The following ERCC6 variants were observed in gnomAD, a reference collection of about 807,000 sequenced individuals.
ERCC6 encodes the protein DNA excision repair protein ERCC-6.
In ERCC6, 116 loss-of-function variants were observed where a neutral mutation model predicts 158.7. The ratio of observed to expected loss-of-function variants is 0.73; its 90% CI spans 0.63 to 0.85. ERCC6 has a LOEUF of 0.85. Ranked by LOEUF, ERCC6 falls within the 40% of genes least tolerant of loss-of-function variation. The pLI is 0.00. For missense variants in ERCC6, 1,698 were observed against 1,799.4 expected (o/e 0.94, Z 1.02); for synonymous variants, 678 against 659.3 (o/e 1.03, Z -0.43).
the ERCC6 span, among the ~76,000 whole-genome samples, chr10:49,438,002 G>T: frequency 3.3e-5 from 5 of 152,176 alleles, no homozygotes; most frequent in Non-Finnish European, 7.3e-5. Context: ...TAGGCAAATA[G>T]TTGTCATACT....
intron 5 of ERCC6, chr10:49,506,440 G>T: frequency 5.3e-6 from 1 of 188,852 alleles, no homozygotes; most frequent in Non-Finnish European, 1.1e-5. Flanking sequence ...CTGTTCTAAA[G>T]ATATGATAGT....
At chr10:49,444,682 A>G in the ERCC6 span, among the ~76,000 whole-genome samples, 8 of 152,226 alleles carry the variant, frequency 5.3e-5, no homozygotes, top group African/African-American at 1.7e-4. Context: ...TCCAAAATGT[A>G]CAAAAGCCCA....
intron 8 of ERCC6, 146 bp downstream of exon 8, chr10:49,492,971 T>C: frequency 1.2e-6 from 1 of 803,458 alleles, no homozygotes; most frequent in Non-Finnish European, 2.0e-6. Flanking sequence ...AGCTCTAAAG[T>C]AAGTCAATAA....
intron 2 of ERCC6, among the ~76,000 whole-genome samples, chr10:49,531,974 T>C (rs939473994): frequency 6.6e-6 from 1 of 152,150 alleles, no homozygotes; most frequent in Admixed American, 6.6e-5. Flanking sequence ...TTCTTCCCCA[T>C]TAACGTGCTA....
At chr10:49,516,363 C>T (rs1836963783) in intron 5 of ERCC6, 1 of 1,613,998 alleles carries the variant, frequency 6.2e-7, no homozygotes. Context: ...ATTAAGTTTG[C>T]TTATGAGAGG....
chr10:49,440,735 A>G, the ERCC6 span, among the ~76,000 whole-genome samples: 1 of 152,202 alleles, frequency 6.6e-6, no homozygotes, highest in African/African-American at 2.4e-5. Context: ...GAAGTCAATA[A>G]TTAACTCAAA....
chr10:49,516,154 T>C (rs748342074), intron 5 of ERCC6: 1 of 1,614,136 alleles, frequency 6.2e-7, no homozygotes. Context: ...TCCTCATGTT[T>C]AGTATTTGGG....
chr10:49,521,867 CT>C (rs113936879), intron 5 of ERCC6, among the ~76,000 whole-genome samples: 67 of 152,314 alleles, frequency 4.4e-4, no homozygotes, highest in African/African-American at 1.5e-3. Flanking sequence ...CGGAAAATTC[CT>C]AGTAAGTATC....
intron 10 of ERCC6, among the ~76,000 whole-genome samples, chr10:49,480,094 T>C (rs780938733): frequency 3.3e-5 from 5 of 152,160 alleles, no homozygotes; most frequent in Non-Finnish European, 7.4e-5. Flanking sequence ...TGCAGGCTCT[T>C]CTCAGTTCTC....
At chr10:49,525,635 G>A (rs1196110802) in intron 4 of ERCC6, among the ~76,000 whole-genome samples, 1 of 152,106 alleles carries the variant, frequency 6.6e-6, no homozygotes, top group Non-Finnish European at 1.5e-5. Context: ...ATTCTTGCAG[G>A]CCAATGATAC....
chr10:49,534,129 A>T (rs1289781756), intron 1 of ERCC6, among the ~76,000 whole-genome samples: 1 of 108,698 alleles, frequency 9.2e-6, no homozygotes, highest in African/African-American at 3.5e-5. Context: ...GTGAGACTCA[A>T]TCTCAAAAAA....
intron 5 of ERCC6, among the ~76,000 whole-genome samples, chr10:49,509,620 T>C (rs958478566): frequency 6.6e-6 from 1 of 152,178 alleles, no homozygotes; most frequent in African/African-American, 2.4e-5. Context: ...TTTTACATGA[T>C]AGTAACAAAA....
chr10:49,472,474 C>T lies in ERCC6; in HGVS notation c.2830-4G>A. On this transcript the variant is annotated splice_region_variant and splice_polypyrimidine_tract_variant and intron_variant, in intron 15 of 20. Coordinates refer to ENST00000355832, the MANE Select transcript of ERCC6 (RefSeq NM_000124.4). ...TTCTCCATGCTCGCTCCCGGGCCTGCAACAGAGAGAGAGAGACCTCTCAAC... is the reference window on the plus strand; with the variant it reads ...TTCTCCATGCTCGCTCCCGGGCCTGTAACAGAGAGAGAGAGACCTCTCAAC... The T allele has an allele frequency of 6.2e-7, 1 of 1,613,778 alleles. No individual in the cohort carries two copies. Among genetic ancestry groups the T allele is most frequent in the Non-Finnish European group, 8.5e-7 (1 of 1,179,846 alleles).
intron 8 of ERCC6, among the ~76,000 whole-genome samples, chr10:49,484,446 A>G (rs541782699): frequency 1.3e-5 from 2 of 151,946 alleles, no homozygotes; most frequent in East Asian, 3.9e-4. Context: ...AATTCCAAAA[A>G]TAAATAAAAA....
Position 49,516,637 on chromosome 10 carries a change from T to C in ERCC6, c.1397+7396A>G, listed in dbSNP as rs182907329. The C allele has an allele frequency of 1.2e-4, 186 of 1,614,206 alleles. No homozygotes were observed. The East Asian group carries it at 4.1e-3, about 36-fold the overall frequency. On this transcript the variant is annotated intron_variant, in intron 5 of 20. Coordinates refer to ENST00000355832, the MANE Select transcript of ERCC6 (RefSeq NM_000124.4). The stretch of plus-strand genomic sequence containing the variant: ...CTGCAAGCATATAAGTTGGAGTACT[T>C]GACAATGAGTTCAATGACCTCGTCA...
intron 5 of ERCC6, chr10:49,515,963 T>G (rs1206657390): frequency 2.4e-5 from 38 of 1,614,078 alleles, no homozygotes; most frequent in Non-Finnish European, 3.1e-5. Context: ...CTGATTCCAG[T>G]GGAACTCTGT....
intron 5 of ERCC6, among the ~76,000 whole-genome samples, chr10:49,507,714 G>A (rs1294022712): frequency 6.6e-6 from 1 of 152,150 alleles, no homozygotes. Flanking sequence ...ATTCTTGGTT[G>A]TTAGAACTGT....
At chr10:49,531,900 A>G (rs561391194) in intron 2 of ERCC6, among the ~76,000 whole-genome samples, 7 of 152,212 alleles carry the variant, frequency 4.6e-5, no homozygotes, top group African/African-American at 1.7e-4. Context: ...AAGTGAGCTC[A>G]ACCCCTCCCA....
At chr10:49,435,041 T>C in the ERCC6 span, among the ~76,000 whole-genome samples, 2 of 152,300 alleles carry the variant, frequency 1.3e-5, no homozygotes, top group African/African-American at 4.8e-5. Flanking sequence ...GTTCTAGCTA[T>C]ACTTACATTA....
Sources: gnomAD v4.1 joint callset for allele counts (sites outside exome capture counted in the v4.1 genomes callset) on GRCh38, gnomAD v4.1.1 for gene constraint, MANE v1.5 for transcripts, NCBI Gene and HGNC (gene_info 2026-07-23, HGNC 2026-07-21) for gene names.